The following ASTN2 variants were observed in gnomAD, a reference collection of about 807,000 sequenced individuals.
The protein encoded by ASTN2 is astrotactin 2, also known as astrotactin-2.
In ASTN2, 54 loss-of-function variants were observed where a neutral mutation model predicts 139.8. That is an observed-to-expected ratio of 0.39 (90% CI 0.31 to 0.48). The LOEUF (loss-of-function observed/expected upper bound fraction) is 0.48, where lower values mean the gene tolerates loss of function less well. Among genes scored for constraint, ASTN2 ranks in the 20% least tolerant of loss-of-function variants. The pLI is 0.95. For missense variants in ASTN2, 1,565 were observed against 1,725.1 expected (o/e 0.91, Z 1.64); for synonymous variants, 756 against 719.5 (o/e 1.05, Z -0.81).
At chr9:117,338,758 T>A (rs1179571847) in intron 1 of ASTN2, among the ~76,000 whole-genome samples, 1 of 152,032 alleles carries the variant, frequency 6.6e-6, no homozygotes, top group Non-Finnish European at 1.5e-5. Context: ...ATTATCTTTT[T>A]TTTTGCCATT....
intron 10 of ASTN2, 88 bp from the exon 11 acceptor site, chr9:116,863,821 C>A: frequency 1.5e-6 from 2 of 1,311,106 alleles, no homozygotes; most frequent in Non-Finnish European, 2.1e-6. Flanking sequence ...ACATTTGAAA[C>A]CATAACTTAC....
intron 1 of ASTN2, among the ~76,000 whole-genome samples, chr9:117,373,007 AC>A (rs1251363465): frequency 6.6e-6 from 1 of 152,146 alleles, no homozygotes; most frequent in Non-Finnish European, 1.5e-5. Flanking sequence ...TCTCATTTCT[AC>A]ATTGGGGATG....
At chr9:116,941,698 C>T (rs751414002) in intron 10 of ASTN2, among the ~76,000 whole-genome samples, 61 of 151,808 alleles carry the variant, frequency 4.0e-4, no homozygotes, top group Non-Finnish European at 7.6e-4. Context: ...AATTAACCAT[C>T]ACACTCTAGT....
intron 3 of ASTN2, among the ~76,000 whole-genome samples, chr9:117,213,298 G>A (rs1319699260): frequency 6.6e-6 from 1 of 152,046 alleles, no homozygotes; most frequent in Non-Finnish European, 1.5e-5. Context: ...TTAGAAGCTG[G>A]GAAAGGTAGG....
At chr9:117,281,495 T>C (rs1446283010) in intron 2 of ASTN2, among the ~76,000 whole-genome samples, 3 of 152,194 alleles carry the variant, frequency 2.0e-5, no homozygotes, top group Non-Finnish European at 4.4e-5. Context: ...TTTCCATTTT[T>C]ACTGTGGGCT....
intron 11 of ASTN2, among the ~76,000 whole-genome samples, chr9:116,822,621 A>G (rs1831521865): frequency 1.3e-5 from 2 of 152,194 alleles, no homozygotes; most frequent in Admixed American, 1.3e-4. Context: ...GTATGGTCTC[A>G]GTCCTTCCCA....
chr9:116,795,821 GC>G (rs1830674824), intron 13 of ASTN2, among the ~76,000 whole-genome samples: 1 of 152,182 alleles, frequency 6.6e-6, no homozygotes, highest in African/African-American at 2.4e-5. Flanking sequence ...TTGCTTATTT[GC>G]CTGTTAAATC....
At chr9:116,880,537 G>T (rs34970913) in intron 10 of ASTN2, among the ~76,000 whole-genome samples, 1 of 152,022 alleles carries the variant, frequency 6.6e-6, no homozygotes, top group East Asian at 1.9e-4. Context: ...AGCTTTCAGG[G>T]GTTTGCCCTT....
chr9:116,686,599 C>A, intron 16 of ASTN2: 1 of 1,251,538 alleles, frequency 8.0e-7, no homozygotes, highest in Non-Finnish European at 1.1e-6. Flanking sequence ...CCTAGTGCCC[C>A]AGATTCCCTC....
intron 4 of ASTN2, among the ~76,000 whole-genome samples, chr9:117,116,714 C>A (rs1014473362): frequency 4.6e-5 from 7 of 151,388 alleles, no homozygotes; most frequent in Non-Finnish European, 8.8e-5. Context: ...AATGTGCCTG[C>A]CTCCATGGCC....
At chr9:117,013,561 A>G (rs1422018560) in intron 6 of ASTN2, among the ~76,000 whole-genome samples, 2 of 151,688 alleles carry the variant, frequency 1.3e-5, no homozygotes, top group South Asian at 2.1e-4. Flanking sequence ...GTTCAGCCCA[A>G]TCATTTCGTT....
At chr9:116,708,821 C>T (rs1438623970) in intron 16 of ASTN2, among the ~76,000 whole-genome samples, 1 of 151,860 alleles carries the variant, frequency 6.6e-6, no homozygotes, top group Non-Finnish European at 1.5e-5. Context: ...ACAAATTTTA[C>T]TTAAACCCGT....
intron 12 of ASTN2, among the ~76,000 whole-genome samples, chr9:116,807,926 A>G (rs1167153466): frequency 6.6e-6 from 1 of 150,800 alleles, no homozygotes; most frequent in African/African-American, 2.4e-5. Context: ...CCCAGCCAAC[A>G]TAGTGAAATC....
rs567243848 is a variant in ASTN2, at chr9:117,128,815, G to T, written c.1168+12511C>A. Among the ~76,000 whole-genome samples, 4 of 152,180 alleles carry T rather than the reference G, an allele frequency of 2.6e-5. No individual in the cohort carries two copies. In the East Asian group the frequency reaches 7.7e-4, roughly 29 times the overall value. Reference sequence around the variant, plus strand: ...GGTGTAGAAGCCTCACAATCATGGCGGAAGGCAAGGAGGAGCAAGTCCCAT... The same window carrying T: ...GGTGTAGAAGCCTCACAATCATGGCTGAAGGCAAGGAGGAGCAAGTCCCAT... On this transcript the variant is annotated intron_variant, in intron 4 of 22. Coordinates refer to ENST00000313400, the MANE Select transcript of ASTN2 (RefSeq NM_001365068.1).
At chr9:117,053,195 C>A (rs1838962895) in intron 5 of ASTN2, among the ~76,000 whole-genome samples, 2 of 152,154 alleles carry the variant, frequency 1.3e-5, no homozygotes, top group South Asian at 4.1e-4. Context: ...CTCAAGCCTG[C>A]AATCCCAGTG....
At position 116,699,719 on chromosome 9, in the gene ASTN2, T is replaced by A; in HGVS notation, c.2806+26052A>T. On this transcript the variant is annotated intron_variant, in intron 16 of 22. Transcript: ENST00000313400. The surrounding 1 kb of genome is among the most constrained non-coding windows in gnomAD (Gnocchi z 4.2). ...CCACCCCATAGGGGATGAGAAATTATCAGTTTCTTCTGCTCCCAAGCCAAC... is the reference window on the plus strand; with the variant it reads ...CCACCCCATAGGGGATGAGAAATTAACAGTTTCTTCTGCTCCCAAGCCAAC... 6.2e-7 allele frequency: 1 copy of A among 1,614,194 alleles called. No individual in the cohort carries two copies. The highest frequency in any genetic ancestry group is 8.5e-7 in the Non-Finnish European group (1 of 1,180,028).
intron 22 of ASTN2, among the ~76,000 whole-genome samples, chr9:116,431,903 G>A (rs1249665070): frequency 6.6e-6 from 1 of 151,992 alleles, no homozygotes; most frequent in Non-Finnish European, 1.5e-5. Context: ...AGACACATTT[G>A]GCTTAAAATA....
chr9:117,087,385 C>A, intron 5 of ASTN2, among the ~76,000 whole-genome samples: 1 of 152,034 alleles, frequency 6.6e-6, no homozygotes. Flanking sequence ...AAGGCACATG[C>A]CACTACATCT....
At chr9:117,295,968 G>A (rs144469463) in intron 1 of ASTN2, among the ~76,000 whole-genome samples, 65 of 152,100 alleles carry the variant, frequency 4.3e-4, no homozygotes, top group Non-Finnish European at 3.4e-4. Context: ...TCGGAGTGGA[G>A]CAGAATGTCA....
Sources: allele counts gnomAD v4.1 joint callset (sites outside exome capture counted in the v4.1 genomes callset), GRCh38; gene constraint gnomAD v4.1.1; non-coding constraint Gnocchi (gnomAD v3.1); transcripts MANE v1.5; gene names NCBI Gene and HGNC (gene_info 2026-07-23, HGNC 2026-07-21).